Variants in GAS6 observed in about 807,000 individuals in gnomAD.
The protein encoded by GAS6 is growth arrest-specific protein 6.
GAS6 carries 41 observed loss-of-function variants against 75.8 expected under a neutral mutation model. That is an observed-to-expected ratio of 0.54 (90% CI 0.42 to 0.70). GAS6 has a LOEUF of 0.70. GAS6 is among the 30% of genes least tolerant of loss of function. GAS6 has a pLI of 0.00. For missense variants in GAS6, 854 were observed against 940.2 expected (o/e 0.91, Z 1.20); for synonymous variants, 432 against 412.6 (o/e 1.05, Z -0.57).
intron 8 of GAS6, chr13:113,833,496 A>G (rs1214822234): frequency 2.0e-6 from 2 of 991,318 alleles, no homozygotes; most frequent in Middle Eastern, 5.1e-4. Flanking sequence ...CCCCAGGCAC[A>G]GGCCCAGGCT....
At chr13:113,856,294 C>T (rs892470170) in intron 2 of GAS6, among the ~76,000 whole-genome samples, 3 of 152,176 alleles carry the variant, frequency 2.0e-5, no homozygotes, top group South Asian at 4.1e-4. Context: ...GGGGTGCTGC[C>T]GCGTCCTGCT....
intron 12 of GAS6, among the ~76,000 whole-genome samples, chr13:113,826,128 C>T (rs908851834): frequency 8.5e-5 from 13 of 152,208 alleles, no homozygotes; most frequent in Admixed American, 5.2e-4. Flanking sequence ...CTGGGGAGGG[C>T]GGCAGCGTGG....
At chr13:113,823,287 C>G in intron 13 of GAS6, 88 bp downstream of exon 13, 1 of 1,386,420 alleles carries the variant, frequency 7.2e-7, no homozygotes, top group South Asian at 1.4e-5. Flanking sequence ...GATCCCACCG[C>G]GGGCCCCCTT....
intron 2 of GAS6, among the ~76,000 whole-genome samples, chr13:113,856,131 G>A (rs1305091142): frequency 6.6e-6 from 1 of 152,212 alleles, no homozygotes; most frequent in African/African-American, 2.4e-5. Flanking sequence ...GGCAGACCAT[G>A]TTCACGAGAC....
intron 7 of GAS6, 111 bp from the exon 8 acceptor site, chr13:113,834,783 A>G: frequency 7.5e-6 from 9 of 1,207,292 alleles, no homozygotes; most frequent in East Asian, 2.8e-5. Context: ...AAGGAATTAC[A>G]TGCAGATTCT....
At chr13:113,856,582 G>A (rs1002369403) in intron 2 of GAS6, among the ~76,000 whole-genome samples, 8 of 152,222 alleles carry the variant, frequency 5.3e-5, no homozygotes, top group Non-Finnish European at 1.2e-4. Context: ...GAGAACGGGA[G>A]TGATCGGGAA....
At position 113,863,527 on chromosome 13, in the gene GAS6, C is replaced by G. The variant is rs1324752530; in HGVS notation, c.255+48G>C. The G allele has an allele frequency of 6.8e-7, 1 of 1,474,820 alleles. No individual in the cohort carries two copies. The highest frequency in any genetic ancestry group is 8.9e-7 in the Non-Finnish European group (1 of 1,119,306). The allele number at this position is 1,474,820 out of a possible 1,614,324, so 91.4% of individuals were successfully genotyped here. On this transcript the variant is annotated intron_variant, in intron 2 of 14. Transcript: ENST00000327773. The surrounding 1 kb of genome is among the most constrained non-coding windows in gnomAD (Gnocchi z 9.4). Reference sequence around the variant, plus strand: ...GCTGCCTCTCGGGAGCGGTTGGAGGCGCGCGGGCGCCAGGGGTTCCCCCGC... The same window carrying G: ...GCTGCCTCTCGGGAGCGGTTGGAGGGGCGCGGGCGCCAGGGGTTCCCCCGC...
At position 113,826,741 on chromosome 13, in the gene GAS6, C is replaced by T. The variant is rs925504733; in HGVS notation, c.1477+255G>A. ...CTCCCCGGCCTCCTGGCACTGGCTT[C>T]GCAGGCACCTTCTCGGCACATCTCT... On this transcript the variant is annotated intron_variant, in intron 12 of 14. Coordinates refer to ENST00000327773, the MANE Select transcript of GAS6 (RefSeq NM_000820.4). Among the ~76,000 whole-genome samples, 4 of 151,978 alleles carry T rather than the reference C, an allele frequency of 2.6e-5. 1 individual carries two copies. Among genetic ancestry groups the T allele is most frequent in the African/African-American group, 7.2e-5 (3 of 41,496 alleles).
intron 2 of GAS6, among the ~76,000 whole-genome samples, chr13:113,858,472 T>C (rs2051932776): frequency 6.6e-6 from 1 of 152,004 alleles, no homozygotes; most frequent in Non-Finnish European, 1.5e-5. Context: ...TGTGTGTGCA[T>C]GTCTGTGTGC....
chr13:113,832,828 C>G (rs771303882), intron 8 of GAS6, 76 bp from the exon 9 acceptor site: 1 of 1,602,240 alleles, frequency 6.2e-7, no homozygotes, highest in South Asian at 1.1e-5. Flanking sequence ...GCCCCGGCCG[C>G]GCAGCGGGTC....
Position 113,844,493 on chromosome 13 carries a change from G to A in GAS6, c.343+2034C>T, listed in dbSNP as rs1453378026. On this transcript the variant is annotated intron_variant, in intron 4 of 14. Transcript: ENST00000327773. The surrounding 1 kb of genome is among the most constrained non-coding windows in gnomAD (Gnocchi z 5.7). ...GCACAGGAAGAAAAGTGCTCCAAGGGACGGACAGGACGGTGCCGGGGTTAG... is the reference window on the plus strand; with the variant it reads ...GCACAGGAAGAAAAGTGCTCCAAGGAACGGACAGGACGGTGCCGGGGTTAG... 1 of 150,612 alleles carries A rather than the reference G, an allele frequency of 6.6e-6. No individual in the cohort carries two copies. The highest frequency in any genetic ancestry group is 1.5e-5 in the Non-Finnish European group (1 of 68,020). The allele number at this position is 150,612 out of a possible 1,614,324, so 9.3% of individuals were successfully genotyped here. A position where few individuals can be genotyped will look rare whatever the true frequency, so the allele number is the denominator to read the frequency against.
At chr13:113,856,255 T>C (rs1187712157) in intron 2 of GAS6, among the ~76,000 whole-genome samples, 1 of 152,236 alleles carries the variant, frequency 6.6e-6, no homozygotes, top group East Asian at 1.9e-4. Flanking sequence ...CACAGTCGCC[T>C]GCACACAGAG....
In GAS6 at chr13:113,848,860, G is replaced by C. The variant is rs2051852890; in HGVS notation, c.256-810C>G. ...AAGGTCTTTTTAATCCCATTATCAG[G>C]AATGAGGAAACCCGGCTTCAGGATG... On this transcript the variant is annotated intron_variant, in intron 2 of 14. Transcript: ENST00000327773. The surrounding 1 kb of genome is among the most constrained non-coding windows in gnomAD (Gnocchi z 4.8). Among the ~76,000 whole-genome samples the C allele has an allele frequency of 6.6e-6, 1 of 152,200 alleles. No homozygotes were observed. The highest frequency in any genetic ancestry group is 2.1e-4 in the South Asian group (1 of 4,826).
chr13:113,826,447 C>CCGGCCTCCCGGCGCCGGCTTCG (rs2138618999), intron 12 of GAS6, among the ~76,000 whole-genome samples: 1 of 134,684 alleles, frequency 7.4e-6, no homozygotes, highest in Admixed American at 7.2e-5. Flanking sequence ...CCTTCTCTCC[C>CCGGCCTCCCGGCGCCGGCTTCG]CAGCCTCCCG....
At chr13:113,835,286 G>A (rs988859304) in intron 7 of GAS6, among the ~76,000 whole-genome samples, 5 of 152,232 alleles carry the variant, frequency 3.3e-5, no homozygotes, top group African/African-American at 1.2e-4. Flanking sequence ...GTATATGCAT[G>A]TGTGCGGTTC....
chr13:113,848,056 G>A lies in GAS6; in HGVS notation c.256-6C>T, dbSNP rs374149049. On this transcript the variant is annotated splice_region_variant and splice_polypyrimidine_tract_variant and intron_variant, in intron 2 of 14. Transcript: ENST00000327773. The surrounding 1 kb of genome is among the most constrained non-coding windows in gnomAD (Gnocchi z 4.8). Reference sequence around the variant, plus strand: ...TATCTTGGGTAAAAATAATCCTGTGGAAAAAGAAAAAGAAAAGGCAAGCAT... The same window carrying A: ...TATCTTGGGTAAAAATAATCCTGTGAAAAAAGAAAAAGAAAAGGCAAGCAT... 1.7e-5 allele frequency: 27 copies of A among 1,611,552 alleles called. No individual in the cohort carries two copies. The highest frequency in any genetic ancestry group is 2.3e-5 in the Non-Finnish European group (27 of 1,179,104).
At chr13:113,833,299 C>G (rs938149817) in intron 8 of GAS6, 11 of 1,029,646 alleles carry the variant, frequency 1.1e-5, no homozygotes, top group Non-Finnish European at 1.3e-5. Flanking sequence ...CCGACACCCT[C>G]TGCATGAGTA....
At chr13:113,833,376 G>A in intron 8 of GAS6, 1 of 996,210 alleles carries the variant, frequency 1.0e-6, no homozygotes. Flanking sequence ...TCGCAGCCCA[G>A]ACCCAAGAGC....
At chr13:113,847,179 C>T (rs74507429) in intron 3 of GAS6, 3 of 296,738 alleles carry the variant, frequency 1.0e-5, no homozygotes, top group South Asian at 2.7e-5. Flanking sequence ...AGGCGCAGAA[C>T]GGCACGGATG....
Sources: allele counts gnomAD v4.1 joint callset (sites outside exome capture counted in the v4.1 genomes callset), GRCh38; gene constraint gnomAD v4.1.1; non-coding constraint Gnocchi (gnomAD v3.1); transcripts MANE v1.5; gene names NCBI Gene and HGNC (gene_info 2026-07-23, HGNC 2026-07-21).